PRPF39: variants seen among roughly 807,000 people sequenced by gnomAD.
The protein encoded by PRPF39 is pre-mRNA-processing factor 39.
Under a neutral mutation model 82.1 loss-of-function variants are expected in PRPF39, and 27 were observed. That is an observed-to-expected ratio of 0.33 (90% CI 0.24 to 0.45). The LOEUF (loss-of-function observed/expected upper bound fraction) is 0.45. PRPF39 is among the 20% of genes least tolerant of loss of function. The pLI is 1.00. For missense variants in PRPF39, 581 were observed against 796.9 expected, an observed-to-expected ratio of 0.73 and a Z score of 3.26; for synonymous variants, 261 against 256.4, an observed-to-expected ratio of 1.02 and a Z score of -0.17.
intron 5 of PRPF39, among the ~76,000 whole-genome samples, chr14:45,103,630 A>G (rs1394455402): frequency 1.3e-5 from 2 of 152,152 alleles, no homozygotes; most frequent in Non-Finnish European, 2.9e-5. Context: ...AATAGGAAGC[A>G]TATAGATAGG....
intron 2 of PRPF39, 76 bp downstream of exon 2, chr14:45,095,639 ATTGT>A (rs1884174834): frequency 7.0e-7 from 1 of 1,427,980 alleles, no homozygotes; most frequent in Non-Finnish European, 9.2e-7. Flanking sequence ...AGTAGACCTT[ATTGT>A]TTATGATTAA....
At chr14:45,085,376 A>G (rs1883789818) in intron 1 of PRPF39, among the ~76,000 whole-genome samples, 1 of 152,208 alleles carries the variant, frequency 6.6e-6, no homozygotes, top group Non-Finnish European at 1.5e-5. Context: ...GGTATGAGAC[A>G]CTATTTGTGT....
intron 1 of PRPF39, 44 bp from the exon 2 acceptor site, chr14:45,095,177 A>T: frequency 7.6e-7 from 1 of 1,311,260 alleles, no homozygotes; most frequent in South Asian, 1.4e-5. Flanking sequence ...AAATAATTTT[A>T]TTGGCATTTG....
chr14:45,111,594 A>C (rs1223892685), intron 10 of PRPF39, among the ~76,000 whole-genome samples: 3 of 143,940 alleles, frequency 2.1e-5, no homozygotes, highest in Non-Finnish European at 4.5e-5. Context: ...GGCCTCCCAA[A>C]GTGCTGGGAT....
Position 45,108,518 on chromosome 14 carries a change from A to G in PRPF39, c.1007A>G (p.Glu336Gly). 11 of 1,592,640 alleles carry G rather than the reference A, an allele frequency of 6.9e-6. No homozygotes were observed. Among genetic ancestry groups the G allele is most frequent in the Non-Finnish European group, 9.4e-6 (11 of 1,174,366 alleles). Residue 336 changes from glutamate to glycine, a missense_variant, in exon 7 of 14, where the codon GAA becomes GGA. Physicochemically the swap from Glu to Gly is moderately conservative, Grantham distance 98 (BLOSUM62 -2). Coordinates refer to ENST00000355765, the MANE Select transcript of PRPF39 (RefSeq NM_017922.4). The part of the protein sequence containing the change: ...HEVSKRWTFE[E>G]GIKRPYFHVK... ...GTTAGTAAAAGGTGGACATTTGAAG[A>G]AGGTGTAAGTGTTTTTGTTTTGTAA...
chr14:45,099,939 G>A (rs1201451215), intron 4 of PRPF39, among the ~76,000 whole-genome samples: 1 of 152,096 alleles, frequency 6.6e-6, no homozygotes, highest in Non-Finnish European at 1.5e-5. Flanking sequence ...TGAGATATGT[G>A]ATCTCTGGAT....
intron 1 of PRPF39, among the ~76,000 whole-genome samples, chr14:45,092,662 A>G (rs537548096): frequency 1.3e-5 from 2 of 151,796 alleles, no homozygotes; most frequent in Non-Finnish European, 2.9e-5. Context: ...TTATTCTTCA[A>G]TCCAAAAGTT....
intron 1 of PRPF39, among the ~76,000 whole-genome samples, chr14:45,089,586 A>AT (rs931670718): frequency 6.6e-6 from 1 of 151,896 alleles, no homozygotes; most frequent in Non-Finnish European, 1.5e-5. Flanking sequence ...TAATTTTTGT[A>AT]TTTTTTTGTA....
intron 3 of PRPF39, chr14:45,096,594 A>C (rs1308384210): frequency 6.9e-7 from 1 of 1,451,438 alleles, no homozygotes. Context: ...ATTTTTGGTC[A>C]GACGCTGTCA....
chr14:45,087,240 A>G (rs2139031936), intron 1 of PRPF39, among the ~76,000 whole-genome samples: 1 of 152,096 alleles, frequency 6.6e-6, no homozygotes, highest in African/African-American at 2.4e-5. Context: ...CTGGGACTAC[A>G]GGTGCGTGCC....
chr14:45,111,631 CTTTTTTT>C (rs58863567), intron 10 of PRPF39, among the ~76,000 whole-genome samples: 21 of 58,802 alleles, frequency 3.6e-4, no homozygotes, highest in Admixed American at 1.7e-3. Flanking sequence ...TGCACCTGGG[CTTTTTTT>C]TTTTTTTTTT....
chr14:45,108,885 T>G (rs1219209548), intron 7 of PRPF39, among the ~76,000 whole-genome samples: 1 of 151,926 alleles, frequency 6.6e-6, no homozygotes, highest in East Asian at 1.9e-4. Flanking sequence ...AATTCTTTGG[T>G]TTTTTTTGAC....
chr14:45,086,838 G>A (rs1014249898), intron 1 of PRPF39, among the ~76,000 whole-genome samples: 5 of 136,148 alleles, frequency 3.7e-5, no homozygotes, highest in Non-Finnish European at 6.2e-5. Flanking sequence ...GTGCAGCAGT[G>A]TTTCTCAGTT....
chr14:45,099,516 C>T (rs1213160293), intron 4 of PRPF39, among the ~76,000 whole-genome samples: 2 of 152,028 alleles, frequency 1.3e-5, no homozygotes, highest in African/African-American at 4.8e-5. Flanking sequence ...TCGATCTCGG[C>T]TCACTGCAAG....
At chr14:45,085,680 G>A (rs956302585) in intron 1 of PRPF39, among the ~76,000 whole-genome samples, 2 of 152,080 alleles carry the variant, frequency 1.3e-5, no homozygotes, top group African/African-American at 2.4e-5. Context: ...TTAAAAAGTC[G>A]GCGTGTGACT....
chr14:45,093,585 C>T (rs540737456), intron 1 of PRPF39, among the ~76,000 whole-genome samples: 1 of 130,766 alleles, frequency 7.6e-6, no homozygotes, highest in African/African-American at 2.9e-5. Context: ...GACGGAGTTT[C>T]ACTCTTGTTG....
intron 5 of PRPF39, 36 bp downstream of exon 5, chr14:45,102,732 AT>A (rs765636109): frequency 8.0e-6 from 12 of 1,496,026 alleles, no homozygotes; most frequent in Non-Finnish European, 1.1e-5. Context: ...AACATCTTTG[AT>A]TACTCAGATA....
At position 45,110,016 on chromosome 14, in the gene PRPF39, G is replaced by T. The variant is rs1234060760; in HGVS notation, c.1177-78G>T. ...AAGGTGCTGAATGGGTTTAAAAATA[G>T]AATTTTATCGTTCTGTCACAAATTT... On this transcript the variant is annotated intron_variant, in intron 8 of 13. Transcript: ENST00000355765. This position sits in a 1 kb window ranked among gnomAD's most constrained non-coding sequence, Gnocchi z 4.0. The T allele has an allele frequency of 5.0e-6, 8 of 1,597,318 alleles. No individual in the cohort carries two copies. The Admixed American group carries it at 5.2e-5, about 10-fold the overall frequency.
intron 10 of PRPF39, 123 bp from the exon 11 acceptor site, chr14:45,112,195 G>A (rs893059065): frequency 6.9e-6 from 6 of 874,584 alleles, no homozygotes; most frequent in Non-Finnish European, 9.9e-6. Flanking sequence ...TTTAGCATGA[G>A]TTGTATTTTA....
Sources: gnomAD v4.1 joint callset for allele counts (sites outside exome capture counted in the v4.1 genomes callset) on GRCh38, gnomAD v4.1.1 for gene constraint, Gnocchi (gnomAD v3.1) non-coding constraint, MANE v1.5 for transcripts, NCBI Gene and HGNC (gene_info 2026-07-23, HGNC 2026-07-21) for gene names.